DIAPH3: variants seen among roughly 807,000 people sequenced by gnomAD.
DIAPH3 encodes diaphanous related formin 3.
DIAPH3 carries 117 observed loss-of-function variants against 144.3 expected under a neutral mutation model. That is an observed-to-expected ratio of 0.81 (90% CI 0.70 to 0.95). DIAPH3 has a LOEUF of 0.95. DIAPH3 is among the 40% of genes least tolerant of loss of function. The probability of loss-of-function intolerance (pLI) is 0.00; values close to 1 mark genes in which losing one functional copy is unlikely to be tolerated. For missense variants in DIAPH3, 1,421 were observed against 1,412.7 expected (o/e 1.01, Z -0.09); for synonymous variants, 519 against 488.9 (o/e 1.06, Z -0.81).
At chr13:59,783,943 C>T (rs190247405) in intron 25 of DIAPH3, among the ~76,000 whole-genome samples, 222 of 152,206 alleles carry the variant, frequency 1.5e-3, no homozygotes, top group Non-Finnish European at 2.6e-3. Context: ...GGAAAAGGTG[C>T]TTTTAAGAGG....
chr13:59,756,696 A>G (rs1209743050), intron 27 of DIAPH3, among the ~76,000 whole-genome samples: 1 of 152,152 alleles, frequency 6.6e-6, no homozygotes, highest in Non-Finnish European at 1.5e-5. Flanking sequence ...CATTACCCAA[A>G]AACCTTGGGG....
At position 60,112,117 on chromosome 13, in the gene DIAPH3, T is replaced by C. The variant is rs1249997153; in HGVS notation, c.283A>G (p.Thr95Ala). The change falls in exon 3 of 28, where the codon ACT (threonine) becomes GCT (alanine). Residue 95 changes from threonine (T) to alanine (A), a missense_variant. Physicochemically the swap from Thr to Ala is moderately conservative, Grantham distance 58 (BLOSUM62 0). Coordinates refer to ENST00000400324, the MANE Select transcript of DIAPH3 (RefSeq NM_001042517.2). ...KERPPLPNLK[T>A]AFASSDCSAA... ...GAGCAATCACTGCTTGCAAATGCAG[T>C]CTTCAGGTTGGGAAGTGGAGGTCTC... The C allele has an allele frequency of 1.2e-6, 2 of 1,614,150 alleles. No individual in the cohort carries two copies. The highest frequency in any genetic ancestry group is 1.7e-6 in the Non-Finnish European group (2 of 1,180,010).
chr13:59,839,121 AACAG>A (rs895647039), intron 23 of DIAPH3, 199 bp downstream of exon 23: 94 of 502,032 alleles, frequency 1.9e-4, no homozygotes, highest in Middle Eastern at 6.1e-4. Context: ...TAAATAAACA[AACAG>A]ACAGACAGAC....
intron 1 of DIAPH3, among the ~76,000 whole-genome samples, chr13:60,143,516 C>T (rs1951370255): frequency 6.6e-6 from 1 of 152,182 alleles, no homozygotes; most frequent in South Asian, 2.1e-4. Flanking sequence ...GAAACTTTGA[C>T]CAATGTTATT....
intron 3 of DIAPH3, among the ~76,000 whole-genome samples, chr13:60,095,114 A>G (rs1265778315): frequency 2.0e-5 from 3 of 152,232 alleles, no homozygotes; most frequent in Middle Eastern, 3.4e-3. Context: ...TACAGTAAAA[A>G]CTACCTTGTG....
intron 21 of DIAPH3, among the ~76,000 whole-genome samples, chr13:59,869,269 G>A (rs2044114932): frequency 6.6e-6 from 1 of 152,136 alleles, no homozygotes. Context: ...GTGTCTTATT[G>A]TTTGAGTTTG....
chr13:60,018,717 C>T (rs2053817401), intron 5 of DIAPH3, among the ~76,000 whole-genome samples: 1 of 152,080 alleles, frequency 6.6e-6, no homozygotes, highest in African/African-American at 2.4e-5. Flanking sequence ...GTGGGAATTT[C>T]TCAACAACAA....
intron 27 of DIAPH3, among the ~76,000 whole-genome samples, chr13:59,699,905 C>G (rs556491630): frequency 6.6e-6 from 1 of 152,314 alleles, no homozygotes; most frequent in South Asian, 2.1e-4. Flanking sequence ...TGAACACTTC[C>G]CTGAGGGAGA....
At chr13:60,065,211 T>G (rs1266183960) in intron 4 of DIAPH3, among the ~76,000 whole-genome samples, 1 of 133,994 alleles carries the variant, frequency 7.5e-6, no homozygotes, top group African/African-American at 2.9e-5. Flanking sequence ...ATGGCATCAA[T>G]AGGTTTGCTC....
In DIAPH3 at chr13:59,838,315, C is replaced by T. The variant is rs1453350345; in HGVS notation, c.2862+1009G>A. On this transcript the variant is annotated intron_variant, in intron 23 of 27. Transcript: ENST00000400324. ...CTTCAGTTACTCATTAGAGATTAAG[C>T]TACAAAGTTAGTGATAATAAAGATA... 3 of 151,928 alleles carry T rather than the reference C, an allele frequency of 2.0e-5. No individual in the cohort carries two copies. In the East Asian group the frequency reaches 5.8e-4, roughly 29 times the overall value. The allele number at this position is 151,928 out of a possible 1,614,324, so 9.4% of individuals were successfully genotyped here.
At chr13:59,670,873 T>C (rs1358148199) in intron 27 of DIAPH3, among the ~76,000 whole-genome samples, 3 of 152,126 alleles carry the variant, frequency 2.0e-5, no homozygotes, top group Admixed American at 6.5e-5. Flanking sequence ...TGTGAGCTAC[T>C]GCACCCGGCC....
At chr13:59,859,471 A>G (rs980056886) in intron 22 of DIAPH3, among the ~76,000 whole-genome samples, 5 of 152,228 alleles carry the variant, frequency 3.3e-5, no homozygotes, top group Non-Finnish European at 7.3e-5. Flanking sequence ...ATGAGTCAAC[A>G]TAAATATTTC....
intron 4 of DIAPH3, among the ~76,000 whole-genome samples, chr13:60,052,366 G>A (rs2056382705): frequency 6.6e-6 from 1 of 152,028 alleles, no homozygotes; most frequent in African/African-American, 2.4e-5. Flanking sequence ...ACTGAGATTG[G>A]GTGAAAAAAC....
chr13:59,969,816 G>C (rs973934962), intron 17 of DIAPH3, 128 bp downstream of exon 17: 2 of 506,344 alleles, frequency 3.9e-6, no homozygotes, highest in Admixed American at 7.5e-5. Flanking sequence ...CCATTTATTT[G>C]CCCATTAGGA....
intron 1 of DIAPH3, among the ~76,000 whole-genome samples, chr13:60,136,706 C>T (rs1184047014): frequency 6.6e-6 from 1 of 151,752 alleles, no homozygotes; most frequent in East Asian, 1.9e-4. Flanking sequence ...GAGGCAGAGG[C>T]GGGCGGATCA....
chr13:59,861,252 C>T, intron 22 of DIAPH3, 155 bp downstream of exon 22: 1 of 1,526,724 alleles, frequency 6.5e-7, no homozygotes. Flanking sequence ...CATGACAACT[C>T]ATAATATCCT....
intron 25 of DIAPH3, among the ~76,000 whole-genome samples, chr13:59,806,709 T>C (rs1251800572): frequency 6.6e-6 from 1 of 151,906 alleles, no homozygotes; most frequent in Non-Finnish European, 1.5e-5. Context: ...ATCACTGTAA[T>C]CTCAACATAT....
In DIAPH3 at chr13:59,984,054, T is replaced by C. The variant is rs544479836; in HGVS notation, c.1362-167A>G. 2.6e-5 allele frequency among the ~76,000 whole-genome samples: 4 copies of C among 151,894 alleles called. No individual in the cohort carries two copies. In the South Asian group the frequency reaches 8.3e-4, roughly 32 times the overall value. On this transcript the variant is annotated intron_variant, in intron 12 of 27. Transcript: ENST00000400324. ...CTGGGAGTGAGAGTAAATACAATTG[T>C]CATCACTTTGCTTTTAATGAATTCA... is the stretch of plus-strand genomic sequence containing the variant.
chr13:59,825,381 G>T (rs1309732569), intron 24 of DIAPH3, among the ~76,000 whole-genome samples: 2 of 152,054 alleles, frequency 1.3e-5, no homozygotes, highest in Admixed American at 1.3e-4. Context: ...ATTTTTTATG[G>T]CTGCATAGTA....
Sources: allele counts gnomAD v4.1 joint callset (sites outside exome capture counted in the v4.1 genomes callset), GRCh38; gene constraint gnomAD v4.1.1; transcripts MANE v1.5; gene names NCBI Gene and HGNC (gene_info 2026-07-23, HGNC 2026-07-21).